The following KLHDC2 variants were observed in gnomAD, a reference collection of about 807,000 sequenced individuals.
The protein encoded by KLHDC2 is kelch domain-containing protein 2.
Under a neutral mutation model 62.3 loss-of-function variants are expected in KLHDC2, and 38 were observed. The observed-to-expected ratio is 0.61, with a 90% confidence interval of 0.47 to 0.80. The LOEUF is 0.80. Among genes scored for constraint, KLHDC2 ranks in the 30% least tolerant of loss-of-function variants. The pLI, the probability that KLHDC2 is intolerant of heterozygous loss-of-function variation, is 0.00. For synonymous variants in KLHDC2, 159 were observed against 161.0 expected (o/e 0.99, Z 0.09); for missense variants, 430 against 495.3 (o/e 0.87, Z 1.25).
chr14:49,779,761 A>T lies in KLHDC2; in HGVS notation c.728A>T (p.Asn243Ile). The stretch of plus-strand genomic sequence containing the variant: ...ATCCTTTTTTAGGATGCTAGAATGA[A>T]TGATCTTCACTATCTTAATCTGGAT... ...FGGRYRDARM[N>I]DLHYLNLDTW... The change falls in exon 8 of 13, where the codon AAT becomes ATT. Residue 243 changes from asparagine (N) to isoleucine (I), a missense_variant. Transcript: ENST00000298307. The T allele has an allele frequency of 6.2e-7, 1 of 1,610,034 alleles. No homozygotes were observed.
At position 49,782,351 on chromosome 14, in the gene KLHDC2, G is replaced by T. The variant is rs766335707; in HGVS notation, c.957-19G>T. Reference sequence around the variant, plus strand: ...TGGTGTTCTGGGTGGCTTCAAACTCGTTTTTGTTTTAAATGCAGGTTATGG... The same window carrying T: ...TGGTGTTCTGGGTGGCTTCAAACTCTTTTTTGTTTTAAATGCAGGTTATGG... On this transcript the variant is annotated intron_variant, in intron 10 of 12. Coordinates refer to ENST00000298307, the MANE Select transcript of KLHDC2 (RefSeq NM_014315.3). 4.4e-6 allele frequency: 7 copies of T among 1,585,888 alleles called. No homozygotes were observed. Among genetic ancestry groups the T allele is most frequent in the Non-Finnish European group, 5.2e-6 (6 of 1,161,610 alleles).
intron 6 of KLHDC2, 67 bp downstream of exon 6, chr14:49,778,561 G>GGGGGGGGGGGGGGGGGA: frequency 6.7e-6 from 2 of 297,526 alleles, no homozygotes; most frequent in Non-Finnish European, 1.4e-5. Context: ...TGGGGTAGGG[G>GGGGGGGGGGGGGGGGGA]AGAGGGGTGC....
intron 8 of KLHDC2, 165 bp from the exon 9 acceptor site, chr14:49,780,048 G>T: frequency 1.6e-6 from 1 of 621,486 alleles, no homozygotes; most frequent in East Asian, 2.7e-5. Context: ...TGATTCTAAC[G>T]TCAAAGAAAA....
rs1031933554 is a variant in KLHDC2 at position 49,768,453 on chromosome 14, A to G, written c.-16A>G. ...CGGGTGTGGGCATTGTTGGTTAGCA[A>G]AAGTGCAGCCTCAAGATGGCTGATG... On this transcript the variant is annotated 5_prime_UTR_variant, in exon 1 of 13. Coordinates refer to ENST00000298307, the MANE Select transcript of KLHDC2 (RefSeq NM_014315.3). 7 of 1,605,530 alleles carry G rather than the reference A, an allele frequency of 4.4e-6. No homozygotes were observed. The highest frequency in any genetic ancestry group is 3.4e-5 in the Admixed American group (2 of 59,046).
At chr14:49,777,746 T>C (rs1346338471) in intron 3 of KLHDC2, 93 bp from the exon 4 acceptor site, 2 of 693,728 alleles carry the variant, frequency 2.9e-6, no homozygotes, top group African/African-American at 1.8e-5. Context: ...CTGAATTAGA[T>C]GGCACTCTTA....
In KLHDC2 at chr14:49,771,685, T is replaced by C; in HGVS notation, c.233+12T>C. 5 of 1,345,868 alleles carry C rather than the reference T, an allele frequency of 3.7e-6. No homozygotes were observed. The highest frequency in any genetic ancestry group is 5.3e-6 in the Non-Finnish European group (5 of 935,886). 83.4% of individuals were successfully genotyped at this position (1,345,868 alleles called of 1,614,324 possible). Reference sequence around the variant, plus strand: ...GAGACTGGAAGATGGTAAATGTGGATATTATAAGGGGGACTAAAAAATTCA... The same window carrying C: ...GAGACTGGAAGATGGTAAATGTGGACATTATAAGGGGGACTAAAAAATTCA... On this transcript the variant is annotated intron_variant, in intron 2 of 12. Transcript: ENST00000298307.
chr14:49,771,056 G>C (rs1889652947), intron 1 of KLHDC2, among the ~76,000 whole-genome samples: 1 of 152,014 alleles, frequency 6.6e-6, no homozygotes, highest in East Asian at 1.9e-4. Context: ...AGAGTTCCCA[G>C]AGATCTCTTG....
At chr14:49,772,482 G>T (rs113149081) in intron 2 of KLHDC2, among the ~76,000 whole-genome samples, 195 of 152,248 alleles carry the variant, frequency 1.3e-3, no homozygotes, top group African/African-American at 4.5e-3. Context: ...ATGATCTTTT[G>T]CAGTTTCATA....
intron 6 of KLHDC2, among the ~76,000 whole-genome samples, chr14:49,779,292 ATAAT>A (rs2139799450): frequency 6.6e-6 from 1 of 152,298 alleles, no homozygotes; most frequent in East Asian, 1.9e-4. Context: ...TCTGACACAG[ATAAT>A]TATATTTCTT....
intron 1 of KLHDC2, among the ~76,000 whole-genome samples, chr14:49,769,975 A>T (rs1263250933): frequency 2.9e-5 from 1 of 35,004 alleles, no homozygotes; most frequent in Non-Finnish European, 5.3e-5. Flanking sequence ...GAATTGCAAG[A>T]AGGGGGGCGG....
intron 9 of KLHDC2, 39 bp downstream of exon 9, chr14:49,780,361 A>T: frequency 1.6e-6 from 2 of 1,221,100 alleles, no homozygotes; most frequent in Non-Finnish European, 2.4e-6. Flanking sequence ...ATCATCATAT[A>T]TCATCCATAT....
Position 49,785,238 on chromosome 14 carries a change from G to C in KLHDC2, c.*2285G>C. The C allele has an allele frequency of 6.2e-7, 1 of 1,613,552 alleles. No individual in the cohort carries two copies. The highest frequency in any genetic ancestry group is 1.1e-5 in the South Asian group (1 of 91,060). On this transcript the variant is annotated 3_prime_UTR_variant, in exon 13 of 13. Coordinates refer to ENST00000298307, the MANE Select transcript of KLHDC2 (RefSeq NM_014315.3). ...AACTTACTTGTAGTTTGTCATGGTGGTGTAAGGGGCACATATTGGAATGGC... is the reference window on the plus strand; with the variant it reads ...AACTTACTTGTAGTTTGTCATGGTGCTGTAAGGGGCACATATTGGAATGGC...
intron 6 of KLHDC2, among the ~76,000 whole-genome samples, chr14:49,778,729 T>TG (rs1339750964): frequency 1.3e-5 from 2 of 151,104 alleles, no homozygotes; most frequent in African/African-American, 4.8e-5. Context: ...TCTAATACTT[T>TG]TTTTTTTTTT....
chr14:49,768,644 A>T (rs1359569931), intron 1 of KLHDC2, 23 bp downstream of exon 1: 2 of 1,558,628 alleles, frequency 1.3e-6, no homozygotes, highest in Admixed American at 3.8e-5. Flanking sequence ...CCGGGCCGCG[A>T]CGGACGTCGC....
At chr14:49,780,505 C>A (rs757032174) in intron 9 of KLHDC2, 183 bp downstream of exon 9, 2 of 635,454 alleles carry the variant, frequency 3.1e-6, no homozygotes, top group African/African-American at 1.8e-5. Flanking sequence ...CAATAAAGAA[C>A]CTGGAGCACT....
chr14:49,778,581 G>T, intron 6 of KLHDC2, 87 bp downstream of exon 6: 1 of 648,962 alleles, frequency 1.5e-6, no homozygotes, highest in South Asian at 2.0e-5. Context: ...CACCAGAGTT[G>T]GAAGATACTG....
At chr14:49,778,625 G>A (rs1889821654) in intron 6 of KLHDC2, 131 bp downstream of exon 6, 2 of 577,424 alleles carry the variant, frequency 3.5e-6, no homozygotes, top group African/African-American at 3.8e-5. Context: ...TTTCTGGGGA[G>A]AAGATCCATA....
chr14:49,780,358 T>C, intron 9 of KLHDC2, 36 bp downstream of exon 9: 2 of 1,277,224 alleles, frequency 1.6e-6, no homozygotes, highest in Non-Finnish European at 2.3e-6. Context: ...GAAATCATCA[T>C]ATATCATCCA....
chr14:49,768,501 C>G lies in KLHDC2; in HGVS notation c.33C>G (p.Asp11Glu), dbSNP rs1170456704. Reference sequence around the variant, plus strand: ...ATGGCAACGAGGATCTGCGGGCTGACGACTTGCCTGGGCCAGCCTTCGAGA... The same window carrying G: ...ATGGCAACGAGGATCTGCGGGCTGAGGACTTGCCTGGGCCAGCCTTCGAGA... The part of the protein sequence containing the change: MADGNEDLRA[D>E]DLPGPAFESY... Residue 11 changes from aspartate to glutamate, a missense_variant, in exon 1 of 13, where the codon GAC (aspartate) becomes GAG (glutamate). Asp to Glu is a conservative substitution (Grantham distance 45, BLOSUM62 2). Transcript: ENST00000298307. 19 of 1,609,876 alleles carry G rather than the reference C, an allele frequency of 1.2e-5. No homozygotes were observed. The highest frequency in any genetic ancestry group is 1.6e-5 in the Non-Finnish European group (19 of 1,178,602).
Sources: allele counts gnomAD v4.1 joint callset (sites outside exome capture counted in the v4.1 genomes callset), GRCh38; gene constraint gnomAD v4.1.1; transcripts MANE v1.5; gene names NCBI Gene and HGNC (gene_info 2026-07-23, HGNC 2026-07-21).